SH3BP2: variants seen among roughly 807,000 people sequenced by gnomAD.
The protein encoded by SH3BP2 is SH3 domain-binding protein 2.
In SH3BP2, 38 loss-of-function variants were observed where a neutral mutation model predicts 56.2. That is an observed-to-expected ratio of 0.68 (90% CI 0.52 to 0.89). The LOEUF is 0.89. Ranked by LOEUF, SH3BP2 falls within the 40% of genes least tolerant of loss-of-function variation. SH3BP2 has a pLI of 0.00. For synonymous variants in SH3BP2, 346 were observed against 316.7 expected, an observed-to-expected ratio of 1.09 and a Z score of -0.98; for missense variants, 748 against 762.6, an observed-to-expected ratio of 0.98 and a Z score of 0.23.
intron 1 of SH3BP2, among the ~76,000 whole-genome samples, chr4:2,796,806 G>C (rs1723080664): frequency 6.6e-6 from 1 of 152,356 alleles, no homozygotes; most frequent in Middle Eastern, 3.4e-3. Flanking sequence ...AGGCTGGCAG[G>C]CAACAGCCTC....
intron 1 of SH3BP2, among the ~76,000 whole-genome samples, chr4:2,816,536 A>G (rs939314449): frequency 6.6e-6 from 1 of 152,146 alleles, no homozygotes; most frequent in Non-Finnish European, 1.5e-5. Flanking sequence ...TTCTTGGGGG[A>G]AAAACTTTCA....
intron 1 of SH3BP2, among the ~76,000 whole-genome samples, chr4:2,811,386 G>A (rs1723744248): frequency 6.6e-6 from 1 of 152,220 alleles, no homozygotes; most frequent in Non-Finnish European, 1.5e-5. Context: ...AAATCCTGCT[G>A]TGAGGGTGGC....
rs1230015789 is a variant in SH3BP2 at position 2,831,536 on chromosome 4, GA to G, written c.1242-32del. 3.3e-6 allele frequency: 5 copies of G among 1,512,388 alleles called. No individual in the cohort carries two copies. Among genetic ancestry groups the G allele is most frequent in the Non-Finnish European group, 4.5e-6 (5 of 1,110,598 alleles). The allele number at this position is 1,512,388 out of a possible 1,614,324, so 93.7% of individuals were successfully genotyped here. A position where few individuals can be genotyped will look rare whatever the true frequency, so the allele number is the denominator to read the frequency against. On this transcript the variant is annotated intron_variant, in intron 8 of 12. Transcript: ENST00000503393. The surrounding 1 kb of genome is among the most constrained non-coding windows in gnomAD (Gnocchi z 4.1). ...GGGTGGCCGCCCCGTGTCTGACAGT[GA>G]AATGGTCCTGCCTTCCTCTCCCTGC...
At chr4:2,823,988 T>C (rs887954591) in intron 3 of SH3BP2, among the ~76,000 whole-genome samples, 1 of 152,228 alleles carries the variant, frequency 6.6e-6, no homozygotes, top group South Asian at 2.1e-4. Context: ...GTGCCAGCCA[T>C]GCCATGAACC....
At chr4:2,819,788 G>A (rs1164813055) in intron 1 of SH3BP2, among the ~76,000 whole-genome samples, 4 of 152,056 alleles carry the variant, frequency 2.6e-5, no homozygotes, top group Non-Finnish European at 5.9e-5. Flanking sequence ...AGGGGTGGAG[G>A]TCATTTCAGG....
rs1272577462 is a variant in SH3BP2 at position 2,802,584 on chromosome 4, ATATATGTTTG to A, written c.-5+9452_-5+9461del. On this transcript the variant is annotated intron_variant, in intron 1 of 12. Transcript: ENST00000503393. Reference sequence around the variant, plus strand: ...TATATGTATATATGTGTATATGTATATATATGTTTGTATATATGTGTATATATGTGTATAT... The same window carrying A: ...TATATGTATATATGTGTATATGTATATATATATGTGTATATATGTGTATAT... 7.8e-3 allele frequency among the ~76,000 whole-genome samples: 1,075 copies of A among 137,148 alleles called. 12 individuals are homozygous for A. Among genetic ancestry groups the A allele is most frequent in the African/African-American group, 0.031 (1,027 of 33,244 alleles). 90.0% of individuals were successfully genotyped at this position (137,148 alleles called of 152,430 possible). A position where few individuals can be genotyped will look rare whatever the true frequency, so the allele number is the denominator to read the frequency against.
chr4:2,832,413 G>C lies in SH3BP2; in HGVS notation c.1488+1G>C. 1 of 1,613,704 alleles carries C rather than the reference G, an allele frequency of 6.2e-7. No homozygotes were observed. Among genetic ancestry groups the C allele is most frequent in the Non-Finnish European group, 8.5e-7 (1 of 1,179,674 alleles). ...GAACTCCTCTACCAAGTCGGGGAAG[G>C]TAGGCGCCAGGGGAAGATGCCCCAG... On this transcript the variant is annotated splice_donor_variant, in intron 11 of 12. Transcript: ENST00000503393. LOFTEE classifies it high-confidence loss of function.
chr4:2,806,436 A>T (rs562880543), intron 1 of SH3BP2, among the ~76,000 whole-genome samples: 9 of 152,322 alleles, frequency 5.9e-5, no homozygotes, highest in South Asian at 4.1e-4. Flanking sequence ...TTCTCAAGTG[A>T]TTAAAAGGTA....
chr4:2,825,300 C>T, intron 5 of SH3BP2, 104 bp downstream of exon 5: 3 of 964,024 alleles, frequency 3.1e-6, no homozygotes, highest in East Asian at 2.6e-5. Context: ...AGAATTCCGT[C>T]CTTAAAGGTT....
In SH3BP2 at chr4:2,818,264, G is replaced by A; in HGVS notation, c.-4-2350G>A. The stretch of plus-strand genomic sequence containing the variant: ...CCGCGGCCGCGGAGCTGGGGCCGGC[G>A]GGAGGCGGGCGCCCGGGACGAGGCG... On this transcript the variant is annotated intron_variant, in intron 1 of 12. Transcript: ENST00000503393. 5.0e-6 allele frequency: 5 copies of A among 1,009,778 alleles called. No homozygotes were observed. The South Asian group carries it at 2.2e-4, about 45-fold the overall frequency. The allele number at this position is 1,009,778 out of a possible 1,614,324, so 62.6% of individuals were successfully genotyped here.
chr4:2,800,673 C>T (rs1465697569), intron 1 of SH3BP2, among the ~76,000 whole-genome samples: 1 of 152,072 alleles, frequency 6.6e-6, no homozygotes, highest in Non-Finnish European at 1.5e-5. Context: ...GCTCAGGCCT[C>T]GGCTCCCACG....
intron 1 of SH3BP2, among the ~76,000 whole-genome samples, chr4:2,808,171 C>T (rs2108708668): frequency 6.6e-6 from 1 of 152,322 alleles, no homozygotes; most frequent in East Asian, 1.9e-4. Context: ...CTGTGTTGCC[C>T]CGGTGGCTCT....
rs374788058 is a variant in SH3BP2, at chr4:2,829,930, C to A, written c.1024C>A (p.Arg342=). ...DKLKSFHLSP[R]GPPTSEPPPV... ...ACTCAAGTCCTTCCACCTGTCCCCC[C>A]GAGGACCACCCACATCTGAGCCCCC... The change falls in exon 8 of 13, where the codon CGA becomes AGA. Residue 342 remains arginine (R), a synonymous_variant. Transcript: ENST00000503393. This position sits in a 1 kb window ranked among gnomAD's most constrained non-coding sequence, Gnocchi z 4.9. 6.2e-7 allele frequency: 1 copy of A among 1,613,540 alleles called. No homozygotes were observed. Among genetic ancestry groups the A allele is most frequent in the African/African-American group, 1.3e-5 (1 of 74,924 alleles).
In SH3BP2 at chr4:2,839,072, G is replaced by A. The variant is rs564717717; in HGVS notation, c.*5238G>A. On this transcript the variant is annotated 3_prime_UTR_variant, in exon 13 of 13. Coordinates refer to ENST00000503393, the MANE Select transcript of SH3BP2 (RefSeq NM_001122681.2). The stretch of plus-strand genomic sequence containing the variant: ...TTTAGCTAATTACCAAGGAGATTGA[G>A]CATATTTTTATGTTTTTATTAACCA... 6.6e-6 allele frequency: 1 copy of A among 152,114 alleles called. No homozygotes were observed. The highest frequency in any genetic ancestry group is 2.1e-4 in the South Asian group (1 of 4,818). 9.4% of individuals were successfully genotyped at this position (152,114 alleles called of 1,614,324 possible).
In SH3BP2 at chr4:2,810,028, G is replaced by A. The variant is rs573583875; in HGVS notation, c.-4-10586G>A. ...GCGTGGGGTCATCTCCATGGTTACC[G>A]GCACAGGGTAAATGTCAAGGAGTGG... On this transcript the variant is annotated intron_variant, in intron 1 of 12. Coordinates refer to ENST00000503393, the MANE Select transcript of SH3BP2 (RefSeq NM_001122681.2). The surrounding 1 kb of genome is among the most constrained non-coding windows in gnomAD (Gnocchi z 4.2). Among the ~76,000 whole-genome samples, 3 of 152,340 alleles carry A rather than the reference G, an allele frequency of 2.0e-5. No homozygotes were observed. Among genetic ancestry groups the A allele is most frequent in the East Asian group, 3.9e-4 (2 of 5,180 alleles).
intron 5 of SH3BP2, among the ~76,000 whole-genome samples, chr4:2,825,526 G>A (rs568178093): frequency 9.6e-4 from 145 of 151,230 alleles, no homozygotes; most frequent in African/African-American, 3.2e-3. Flanking sequence ...ACAGCAACAC[G>A]TGGACATGCA....
intron 1 of SH3BP2, among the ~76,000 whole-genome samples, chr4:2,801,346 C>CG (rs1239313130): frequency 1.3e-5 from 2 of 152,208 alleles, no homozygotes; most frequent in Non-Finnish European, 2.9e-5. Context: ...GTCCCCTGCC[C>CG]GGGCCCCGAG....
At chr4:2,826,610 TTGTG>T (rs767093213) in intron 5 of SH3BP2, 33 of 253,908 alleles carry the variant, frequency 1.3e-4, no homozygotes, top group Middle Eastern at 1.6e-3. Flanking sequence ...TGCTCTGTGT[TTGTG>T]TGTGCATGTC....
At chr4:2,818,236 GGGCCGC>G in intron 1 of SH3BP2, 1 of 988,184 alleles carries the variant, frequency 1.0e-6, no homozygotes, top group Non-Finnish European at 1.2e-6. Context: ...GGCGGGCTCC[GGGCCGC>G]GGCCGCGGAG....
Sources: allele counts gnomAD v4.1 joint callset (sites outside exome capture counted in the v4.1 genomes callset), GRCh38; gene constraint gnomAD v4.1.1; non-coding constraint Gnocchi (gnomAD v3.1); transcripts MANE v1.5; gene names NCBI Gene and HGNC (gene_info 2026-07-23, HGNC 2026-07-21).